Variants in TNC observed in about 807,000 individuals in gnomAD.
TNC encodes tenascin.
TNC carries 109 observed loss-of-function variants against 202.4 expected under a neutral mutation model. The observed-to-expected ratio is 0.54, with a 90% confidence interval of 0.46 to 0.63. The LOEUF (loss-of-function observed/expected upper bound fraction) is 0.63, where lower values mean the gene tolerates loss of function less well. TNC is among the 30% of genes least tolerant of loss of function. TNC has a pLI of 0.00. For synonymous variants in TNC, 1,007 were observed against 1,089.7 expected (o/e 0.92, Z 1.50); for missense variants, 2,756 against 2,833.3 (o/e 0.97, Z 0.62).
intron 4 of TNC, 40 bp from the exon 5 acceptor site, chr9:115,082,847 G>A (rs371682404): frequency 6.8e-6 from 10 of 1,463,772 alleles, no homozygotes; most frequent in African/African-American, 5.6e-5. Context: ...GGATAGGGCA[G>A]GTGTGTGATT....
chr9:115,113,367 A>G (rs1837223978), intron 1 of TNC, among the ~76,000 whole-genome samples: 1 of 152,206 alleles, frequency 6.6e-6, no homozygotes, highest in African/African-American at 2.4e-5. Flanking sequence ...TCAGCCTTAC[A>G]TTGTGCATAT....
chr9:115,046,827 T>G, intron 16 of TNC, 145 bp from the exon 17 acceptor site: 1 of 900,554 alleles, frequency 1.1e-6, no homozygotes, highest in Non-Finnish European at 1.7e-6. Context: ...AAAAATAAAA[T>G]CATTCAACAT....
intron 1 of TNC, among the ~76,000 whole-genome samples, chr9:115,105,300 A>G (rs1015795776): frequency 6.6e-6 from 1 of 152,172 alleles, no homozygotes; most frequent in African/African-American, 2.4e-5. Context: ...CCAAAATGGG[A>G]CCATCTAAAT....
chr9:115,042,191 C>T, intron 18 of TNC, 28 bp downstream of exon 18: 1 of 1,608,850 alleles, frequency 6.2e-7, no homozygotes. Flanking sequence ...AACACTCCTC[C>T]TCTCTCTCCC....
At chr9:115,022,268 C>A (rs1004464517) in intron 27 of TNC, among the ~76,000 whole-genome samples, 1 of 152,262 alleles carries the variant, frequency 6.6e-6, no homozygotes, top group Non-Finnish European at 1.5e-5. Context: ...ATTTCATGGG[C>A]AAATCCGCTT....
In TNC at chr9:115,048,382, A is replaced by G; in HGVS notation, c.4730T>C (p.Leu1577Pro). The G allele has an allele frequency of 6.2e-7, 1 of 1,614,106 alleles. No individual in the cohort carries two copies. ...GKLLDPQEFT[L>P]SGTQRKLELR... ...CTCCAGCTTCCTCTGGGTTCCTGAA[A>G]GTGTGAATTCCTGGGGGTCCAGCAG... The change falls in exon 16 of 28, where the codon CTT becomes CCT. Residue 1577 changes from leucine to proline, a missense_variant. Leu to Pro is a moderately conservative substitution (Grantham distance 98). Transcript: ENST00000350763.
intron 13 of TNC, among the ~76,000 whole-genome samples, chr9:115,060,964 T>G (rs934593941): frequency 2.0e-5 from 3 of 152,226 alleles, no homozygotes; most frequent in African/African-American, 7.2e-5. Flanking sequence ...GAACCCACTA[T>G]TACTGCTTCT....
intron 14 of TNC, among the ~76,000 whole-genome samples, chr9:115,057,787 T>C (rs575429081): frequency 1.3e-5 from 2 of 152,356 alleles, no homozygotes; most frequent in African/African-American, 4.8e-5. Context: ...TCAAAAGATA[T>C]GAGTCCTGGC....
rs139931208 is a variant in TNC, at chr9:115,063,845, C to A, written c.3711G>T (p.Gly1237=). ...AATHYTITIR[G]VTQDFSTTPL... ...GGGTTGTGCTGAAGTCCTGAGTGAC[C>A]CCGCGGATGGTGATGGTATAATGAG... The change falls in exon 12 of 28, where the codon GGG becomes GGT. Residue 1237 remains glycine (G), a synonymous_variant. Transcript: ENST00000350763. 1.2e-6 allele frequency: 2 copies of A among 1,613,894 alleles called. No individual in the cohort carries two copies. Among genetic ancestry groups the A allele is most frequent in the African/African-American group, 1.3e-5 (1 of 74,866 alleles).
At chr9:115,029,245 A>G (rs1314511004) in intron 25 of TNC, 115 bp downstream of exon 25, 7 of 827,168 alleles carry the variant, frequency 8.5e-6, no homozygotes, top group Non-Finnish European at 1.2e-5. Flanking sequence ...GTCTGCCACC[A>G]GAAGTAGTTC....
chr9:115,086,737 A>C lies in TNC; in HGVS notation c.994T>G (p.Cys332Gly), dbSNP rs1834775087. The change falls in exon 3 of 28, where the codon TGC becomes GGC. Residue 332 changes from cysteine to glycine, a missense_variant. Around this residue, in one of 2 missense-constraint regions of TNC, gnomAD observed 2,559 missense variants for 2,546.0 expected, o/e 1.01. Transcript: ENST00000350763. ...TCTTCACCTGTGAAGCCTTCTTCGCAGTAGCAGGTGCCATTGATGCAGCGG... is the reference window on the plus strand; with the variant it reads ...TCTTCACCTGTGAAGCCTTCTTCGCCGTAGCAGGTGCCATTGATGCAGCGG... ...RGRCINGTCY[C>G]EEGFTGEDCG... 11 of 1,613,884 alleles carry C rather than the reference A, an allele frequency of 6.8e-6. No individual in the cohort carries two copies. Among genetic ancestry groups the C allele is most frequent in the Non-Finnish European group, 9.3e-6 (11 of 1,180,030 alleles).
intron 17 of TNC, among the ~76,000 whole-genome samples, chr9:115,044,312 A>G (rs887131437): frequency 1.3e-5 from 2 of 151,648 alleles, no homozygotes; most frequent in African/African-American, 4.8e-5. Flanking sequence ...AGGTGAAGAT[A>G]GAAATTAGGC....
At chr9:115,052,305 G>A (rs1244945390) in intron 15 of TNC, among the ~76,000 whole-genome samples, 1 of 151,860 alleles carries the variant, frequency 6.6e-6, no homozygotes, top group Non-Finnish European at 1.5e-5. Flanking sequence ...GACTGGGGTT[G>A]GGGAGATGAA....
chr9:115,077,087 G>C (rs919637276), intron 7 of TNC, among the ~76,000 whole-genome samples: 2 of 151,992 alleles, frequency 1.3e-5, no homozygotes, highest in Non-Finnish European at 2.9e-5. Flanking sequence ...TTGAGACGGA[G>C]TCTCGCTCTT....
intron 6 of TNC, among the ~76,000 whole-genome samples, chr9:115,080,077 AT>A (rs1354492067): frequency 6.6e-6 from 1 of 152,242 alleles, no homozygotes; most frequent in African/African-American, 2.4e-5. Context: ...CCTGGCCAAC[AT>A]GGTGAAATCC....
chr9:115,040,873 C>T (rs1343575673), intron 19 of TNC, 68 bp downstream of exon 19: 68 of 1,522,786 alleles, frequency 4.5e-5, no homozygotes, highest in Non-Finnish European at 5.9e-5. Flanking sequence ...TGAGAAATGG[C>T]ATAGGATGCA....
intron 17 of TNC, among the ~76,000 whole-genome samples, chr9:115,044,616 A>C (rs967789221): frequency 3.3e-5 from 5 of 152,170 alleles, no homozygotes; most frequent in Non-Finnish European, 7.4e-5. Flanking sequence ...AAAGATCAGC[A>C]AAACAAATCA....
intron 10 of TNC, among the ~76,000 whole-genome samples, chr9:115,071,747 A>G (rs79747220): frequency 0.091 from 13,900 of 152,204 alleles, 734 homozygotes; most frequent in Middle Eastern, 0.2. Context: ...GAGGGAAGAA[A>G]GAGAGAGAAA....
At chr9:115,044,464 C>T (rs987927282) in intron 17 of TNC, among the ~76,000 whole-genome samples, 1 of 151,422 alleles carries the variant, frequency 6.6e-6, no homozygotes, top group Non-Finnish European at 1.5e-5. Context: ...AGCTACTAGG[C>T]TCTAGAGAAG....
Sources: gnomAD v4.1 joint callset for allele counts (sites outside exome capture counted in the v4.1 genomes callset) on GRCh38, gnomAD v4.1.1 for gene constraint, gnomAD v4.1.1 regional missense constraint, MANE v1.5 for transcripts, NCBI Gene and HGNC (gene_info 2026-07-23, HGNC 2026-07-21) for gene names.